Variants in LRP1B observed in about 807,000 individuals in gnomAD.
The protein encoded by LRP1B is LDL receptor related protein 1B.
LRP1B carries 217 observed loss-of-function variants against 556.6 expected under a neutral mutation model. That is an observed-to-expected ratio of 0.39 (90% CI 0.35 to 0.44). The LOEUF (loss-of-function observed/expected upper bound fraction) is 0.44. LRP1B is among the 20% of genes least tolerant of loss of function. The pLI, the probability that LRP1B is intolerant of heterozygous loss-of-function variation, is 1.00. For synonymous variants in LRP1B, 2,047 were observed against 1,865.8 expected (o/e 1.10, Z -2.50); for missense variants, 5,053 against 5,620.8 (o/e 0.90, Z 3.23).
In LRP1B at chr2:141,166,179, C is replaced by A. The variant is rs61631825; in HGVS notation, c.1013+22242G>T. Among the ~76,000 whole-genome samples the A allele has an allele frequency of 7.2e-3, 1,096 of 151,886 alleles. 11 individuals carry two copies. Among genetic ancestry groups the A allele is most frequent in the African/African-American group, 0.024 (1,014 of 41,472 alleles). ...ACTCCTCTGTTTAACCCAACCATACCAATGTTCTTCCAGCTTCTCAGATAT... is the reference window on the plus strand; with the variant it reads ...ACTCCTCTGTTTAACCCAACCATACAAATGTTCTTCCAGCTTCTCAGATAT... On this transcript the variant is annotated intron_variant, in intron 7 of 90. Coordinates refer to ENST00000389484, the MANE Select transcript of LRP1B (RefSeq NM_018557.3).
intron 37 of LRP1B, 115 bp downstream of exon 37, chr2:140,715,858 T>G: frequency 1.3e-6 from 1 of 791,472 alleles, no homozygotes; most frequent in Non-Finnish European, 1.9e-6. Context: ...TCTGCTTAGG[T>G]AAGATATTCT....
chr2:141,245,501 G>C (rs1684033338), intron 5 of LRP1B, among the ~76,000 whole-genome samples: 1 of 152,192 alleles, frequency 6.6e-6, no homozygotes, highest in East Asian at 1.9e-4. Flanking sequence ...GGGAGGGTGA[G>C]GGCACCCATT....
intron 20 of LRP1B, among the ~76,000 whole-genome samples, chr2:140,929,761 C>T (rs1694994535): frequency 7.7e-6 from 1 of 130,648 alleles, no homozygotes; most frequent in South Asian, 2.4e-4. Context: ...TAGACTCACA[C>T]ACACACACAC....
chr2:140,504,987 CA>C, intron 53 of LRP1B, among the ~76,000 whole-genome samples: 1 of 152,160 alleles, frequency 6.6e-6, no homozygotes, highest in Non-Finnish European at 1.5e-5. Flanking sequence ...CTCTGAGAGA[CA>C]AAATAATTAA....
chr2:140,261,557 TTAA>T (rs1021679200), intron 86 of LRP1B, among the ~76,000 whole-genome samples: 3 of 151,890 alleles, frequency 2.0e-5, no homozygotes, highest in Non-Finnish European at 2.9e-5. Context: ...TATTGAATTA[TTAA>T]TAATTAGGTT....
In LRP1B at chr2:140,994,045, T is replaced by A; in HGVS notation, c.2594A>T (p.Asp865Val). The change falls in exon 16 of 91, where the codon GAT (aspartate) becomes GTT (valine). Residue 865 changes from aspartate to valine, a missense_variant. By Grantham distance (152) the Asp-to-Val change is radical (BLOSUM62 -3). Transcript: ENST00000389484. The stretch of plus-strand genomic sequence containing the variant: ...TCCGTCTAGGCAGTCATCGTCGCCA[T>A]CACATTTCCACCGAGCTTGGATACA... ...RHCIQARWKC[D>V]GDDDCLDGSD... 1 of 1,612,774 alleles carries A rather than the reference T, an allele frequency of 6.2e-7. No individual in the cohort carries two copies. The highest frequency in any genetic ancestry group is 2.2e-5 in the East Asian group (1 of 44,780).
chr2:141,754,527 C>T (rs935364578), intron 2 of LRP1B, among the ~76,000 whole-genome samples: 4 of 152,246 alleles, frequency 2.6e-5, no homozygotes, highest in African/African-American at 4.8e-5. Flanking sequence ...AAGTTTAGAA[C>T]GCCATTCAGT....
At chr2:140,602,807 T>C (rs561122861) in intron 41 of LRP1B, among the ~76,000 whole-genome samples, 1 of 152,002 alleles carries the variant, frequency 6.6e-6, no homozygotes, top group Non-Finnish European at 1.5e-5. Flanking sequence ...TGGCTATCAT[T>C]TTAGTTGCCA....
chr2:141,040,818 A>C (rs977471286), intron 11 of LRP1B, among the ~76,000 whole-genome samples: 5 of 152,118 alleles, frequency 3.3e-5, no homozygotes, highest in African/African-American at 1.2e-4. Context: ...TTGGCCCTTC[A>C]ATTGCCAAAT....
At chr2:140,691,584 A>G (rs1404330531) in intron 41 of LRP1B, among the ~76,000 whole-genome samples, 2 of 152,112 alleles carry the variant, frequency 1.3e-5, no homozygotes, top group Non-Finnish European at 2.9e-5. Flanking sequence ...TTGAATCCTA[A>G]TCACAAATGT....
At chr2:141,548,397 G>C (rs1000633719) in intron 2 of LRP1B, among the ~76,000 whole-genome samples, 12 of 152,206 alleles carry the variant, frequency 7.9e-5, no homozygotes, top group Non-Finnish European at 1.8e-4. Flanking sequence ...CATGTGCAAA[G>C]GCACTTAGGC....
chr2:140,475,056 A>G, intron 60 of LRP1B, 82 bp downstream of exon 60: 1 of 536,770 alleles, frequency 1.9e-6, no homozygotes, highest in Middle Eastern at 6.1e-4. Context: ...TATGAGAGAA[A>G]GCATATAAAA....
At chr2:140,609,902 T>C (rs1048014641) in intron 41 of LRP1B, among the ~76,000 whole-genome samples, 1 of 152,150 alleles carries the variant, frequency 6.6e-6, no homozygotes, top group Non-Finnish European at 1.5e-5. Context: ...AATCCTTCAA[T>C]GATGTCCCAT....
intron 27 of LRP1B, among the ~76,000 whole-genome samples, chr2:140,853,010 C>T (rs1475075811): frequency 5.3e-5 from 8 of 152,004 alleles, no homozygotes. Flanking sequence ...GTGGTATCTT[C>T]CAACCATGTC....
chr2:142,039,306 C>T (rs956390453), intron 1 of LRP1B, among the ~76,000 whole-genome samples: 11 of 151,410 alleles, frequency 7.3e-5, no homozygotes, highest in East Asian at 1.9e-4. Flanking sequence ...AACATTATAA[C>T]GTAAGTGTAA....
At chr2:140,258,823 C>T (rs1023241426) in intron 86 of LRP1B, among the ~76,000 whole-genome samples, 2 of 151,994 alleles carry the variant, frequency 1.3e-5, no homozygotes, top group African/African-American at 4.8e-5. Context: ...GTTTTTTGTG[C>T]CTTGTTTACC....
intron 24 of LRP1B, 149 bp from the exon 25 acceptor site, chr2:140,884,170 T>C: frequency 4.5e-6 from 3 of 661,942 alleles, no homozygotes; most frequent in Non-Finnish European, 7.7e-6. Context: ...CTAGCACAGG[T>C]AAAACCAAGT....
intron 7 of LRP1B, among the ~76,000 whole-genome samples, chr2:141,084,987 A>G (rs1237110772): frequency 3.3e-5 from 5 of 152,236 alleles, no homozygotes; most frequent in Middle Eastern, 6.8e-3. Flanking sequence ...GAGTAGAGCC[A>G]TGTTTTATGT....
At chr2:142,058,866 T>G (rs1704786333) in intron 1 of LRP1B, among the ~76,000 whole-genome samples, 1 of 152,094 alleles carries the variant, frequency 6.6e-6, no homozygotes, top group African/African-American at 2.4e-5. Context: ...ATCTACAAAT[T>G]TCACTCTCTC....
Sources: allele counts gnomAD v4.1 joint callset (sites outside exome capture counted in the v4.1 genomes callset), GRCh38; gene constraint gnomAD v4.1.1; transcripts MANE v1.5; gene names NCBI Gene and HGNC (gene_info 2026-07-23, HGNC 2026-07-21).